MARCHF4: variants seen among roughly 807,000 people sequenced by gnomAD.
MARCHF4 encodes E3 ubiquitin-protein ligase MARCHF4.
In MARCHF4, 14 loss-of-function variants were observed where a neutral mutation model predicts 43.9. The ratio of observed to expected loss-of-function variants is 0.32; its 90% CI spans 0.21 to 0.50. MARCHF4 has a LOEUF of 0.50. Ranked by LOEUF, MARCHF4 falls within the 20% of genes least tolerant of loss-of-function variation. MARCHF4 has a pLI of 0.98. For synonymous variants in MARCHF4, 226 were observed against 213.3 expected (o/e 1.06, Z -0.52); for missense variants, 468 against 536.7 (o/e 0.87, Z 1.27).
At chr2:216,300,351 T>TAC (rs1691474837) in intron 1 of MARCHF4, among the ~76,000 whole-genome samples, 2 of 89,346 alleles carry the variant, frequency 2.2e-5, no homozygotes, top group African/African-American at 8.7e-5. Flanking sequence ...TATATATATG[T>TAC]ATATATATAT....
intron 2 of MARCHF4, among the ~76,000 whole-genome samples, chr2:216,278,870 G>C (rs979625850): frequency 2.0e-5 from 3 of 152,164 alleles, no homozygotes; most frequent in Non-Finnish European, 4.4e-5. Flanking sequence ...TGGCTGATCC[G>C]GGCAGTACAG....
chr2:216,369,107 T>G (rs895472581), intron 1 of MARCHF4, among the ~76,000 whole-genome samples: 2 of 152,214 alleles, frequency 1.3e-5, no homozygotes, highest in African/African-American at 4.8e-5. Context: ...TTTACCTGCC[T>G]GTTTTCAACA....
intron 1 of MARCHF4, among the ~76,000 whole-genome samples, chr2:216,352,305 C>G (rs777709319): frequency 6.6e-5 from 10 of 152,204 alleles, no homozygotes; most frequent in Non-Finnish European, 1.5e-5. Flanking sequence ...GGAAGCCAGG[C>G]TGGGTTAGGC....
chr2:216,371,570 G>T lies in MARCHF4; in HGVS notation c.-1310C>A, dbSNP rs1162267739. Reference sequence around the variant, plus strand: ...GCTCGTCCTCTGGCTGCTGCCCGCCGTCCGGCGCGGTCGCGACTCCGGCCT... The same window carrying T: ...GCTCGTCCTCTGGCTGCTGCCCGCCTTCCGGCGCGGTCGCGACTCCGGCCT... On this transcript the variant is annotated 5_prime_UTR_variant, in exon 1 of 4. Coordinates refer to ENST00000273067, the MANE Select transcript of MARCHF4 (RefSeq NM_020814.3). The T allele has an allele frequency of 1.3e-5, 2 of 152,308 alleles. No individual in the cohort carries two copies. Among genetic ancestry groups the T allele is most frequent in the Non-Finnish European group, 2.9e-5 (2 of 68,214 alleles). The allele number at this position is 152,308 out of a possible 1,614,324, so 9.4% of individuals were successfully genotyped here. A position where few individuals can be genotyped will look rare whatever the true frequency, so the allele number is the denominator to read the frequency against.
chr2:216,298,680 T>A (rs773604268), intron 1 of MARCHF4, among the ~76,000 whole-genome samples: 6 of 152,234 alleles, frequency 3.9e-5, no homozygotes, highest in Non-Finnish European at 8.8e-5. Flanking sequence ...TAAAAATATG[T>A]ACAGATTTAT....
At chr2:216,288,211 G>T (rs1002554400) in intron 1 of MARCHF4, among the ~76,000 whole-genome samples, 6 of 152,124 alleles carry the variant, frequency 3.9e-5, no homozygotes, top group African/African-American at 1.4e-4. Context: ...ATGATCCTCC[G>T]GCCTCAGCCT....
chr2:216,321,247 G>A (rs1308837402), intron 1 of MARCHF4, among the ~76,000 whole-genome samples: 2 of 152,022 alleles, frequency 1.3e-5, no homozygotes, highest in African/African-American at 4.8e-5. Context: ...ATTAGATACC[G>A]ACTATGTGCC....
At chr2:216,262,875 A>C (rs929948615) in intron 3 of MARCHF4, among the ~76,000 whole-genome samples, 2 of 152,234 alleles carry the variant, frequency 1.3e-5, no homozygotes, top group Non-Finnish European at 2.9e-5. Context: ...ATAAAGGGAA[A>C]TCTTTTATAA....
chr2:216,300,337 GATATATATATATGTATATATAT>G (rs1559093158), intron 1 of MARCHF4, among the ~76,000 whole-genome samples: 1 of 124,180 alleles, frequency 8.1e-6, no homozygotes, highest in Admixed American at 7.5e-5. Context: ...TGTCCATCTC[GATATATATATATGTATATATAT>G]ATATATATAT....
chr2:216,298,256 G>GTTTTT (rs559410456), intron 1 of MARCHF4, among the ~76,000 whole-genome samples: 3 of 66,774 alleles, frequency 4.5e-5, no homozygotes, highest in Admixed American at 2.3e-4. Flanking sequence ...AGTCTTTTAG[G>GTTTTT]TTTTTTTTTT....
chr2:216,278,643 C>T (rs1258713502), intron 2 of MARCHF4, among the ~76,000 whole-genome samples: 1 of 152,130 alleles, frequency 6.6e-6, no homozygotes, highest in Non-Finnish European at 1.5e-5. Context: ...CATCACCTTG[C>T]ATGCCTCTTA....
At chr2:216,367,837 A>G (rs1692689985) in intron 1 of MARCHF4, among the ~76,000 whole-genome samples, 1 of 152,200 alleles carries the variant, frequency 6.6e-6, no homozygotes, top group Non-Finnish European at 1.5e-5. Flanking sequence ...TCAATAAAAT[A>G]CAGCTTTCTG....
chr2:216,271,102 C>A (rs1056904917), intron 3 of MARCHF4, among the ~76,000 whole-genome samples: 1 of 152,110 alleles, frequency 6.6e-6, no homozygotes, highest in African/African-American at 2.4e-5. Context: ...TCAATGCCTC[C>A]CCACCACCAG....
At chr2:216,361,807 G>A (rs995934655) in intron 1 of MARCHF4, among the ~76,000 whole-genome samples, 16 of 152,172 alleles carry the variant, frequency 1.1e-4, no homozygotes, top group African/African-American at 3.6e-4. Flanking sequence ...CAGTGAGAGA[G>A]GGTAGTAGGA....
intron 1 of MARCHF4, among the ~76,000 whole-genome samples, chr2:216,300,438 G>A (rs1430506337): frequency 2.6e-5 from 4 of 150,952 alleles, no homozygotes; most frequent in African/African-American, 9.8e-5. Context: ...CGACCTCCCA[G>A]GCTCGAGTGA....
intron 3 of MARCHF4, 50 bp from the exon 4 acceptor site, chr2:216,259,729 T>A: frequency 6.4e-7 from 1 of 1,565,990 alleles, no homozygotes; most frequent in South Asian, 1.2e-5. Context: ...AGGAAGTGGG[T>A]CACGGCCAGG....
At chr2:216,337,241 T>C (rs1010724760) in intron 1 of MARCHF4, among the ~76,000 whole-genome samples, 1 of 152,002 alleles carries the variant, frequency 6.6e-6, no homozygotes, top group Non-Finnish European at 1.5e-5. Context: ...AATTATCTAA[T>C]ACAGTAAAAT....
chr2:216,261,320 A>T (rs189250511), intron 3 of MARCHF4, among the ~76,000 whole-genome samples: 1 of 152,144 alleles, frequency 6.6e-6, no homozygotes, highest in African/African-American at 2.4e-5. Context: ...TAGAAATTGC[A>T]ATTTCTGCCT....
intron 1 of MARCHF4, among the ~76,000 whole-genome samples, chr2:216,325,691 G>C (rs1173995671): frequency 6.6e-6 from 1 of 151,498 alleles, no homozygotes; most frequent in Non-Finnish European, 1.5e-5. Flanking sequence ...ACAAACCTGA[G>C]AAAAACAAGC....
Sources: gnomAD v4.1 joint callset for allele counts (sites outside exome capture counted in the v4.1 genomes callset) on GRCh38, gnomAD v4.1.1 for gene constraint, MANE v1.5 for transcripts, NCBI Gene and HGNC (gene_info 2026-07-23, HGNC 2026-07-21) for gene names.